SUMF1: variants seen among roughly 807,000 people sequenced by gnomAD.
SUMF1 encodes the protein formylglycine-generating enzyme.
In SUMF1, 48 loss-of-function variants were observed where a neutral mutation model predicts 47.6. The ratio of observed to expected loss-of-function variants is 1.01; its 90% CI spans 0.80 to 1.28. SUMF1 has a LOEUF of 1.28. SUMF1 is among the 50% of genes most tolerant of loss of function. The probability of loss-of-function intolerance (pLI) is 0.00; values close to 1 mark genes in which losing one functional copy is unlikely to be tolerated. For missense variants in SUMF1, 571 were observed against 485.4 expected (o/e 1.18, Z -1.66); for synonymous variants, 230 against 192.1 (o/e 1.20, Z -1.63).
rs554164797 is a variant in SUMF1 at position 4,090,069 on chromosome 3, G to A, written c.1015-21324C>T. Among the ~76,000 whole-genome samples, 22 of 152,200 alleles carry A rather than the reference G, an allele frequency of 1.4e-4. No homozygotes were observed. The South Asian group carries it at 4.1e-3, about 29-fold the overall frequency. Reference sequence around the variant, plus strand: ...GACCACATATGATTTTGTTGACCAGGTATTCCCAGCACTAGCACAGTGCCT... The same window carrying A: ...GACCACATATGATTTTGTTGACCAGATATTCCCAGCACTAGCACAGTGCCT... On this transcript the variant is annotated intron_variant and NMD_transcript_variant, in intron 8 of 12. Transcript: ENST00000448413.
chr3:4,203,864 TA>T (rs371943611), intron 8 of SUMF1, among the ~76,000 whole-genome samples: 2 of 151,852 alleles, frequency 1.3e-5, no homozygotes, highest in East Asian at 1.9e-4. Context: ...AACAGAAGAC[TA>T]AAAAAAACTC....
At chr3:4,256,524 G>A (rs1455792552) in intron 8 of SUMF1, among the ~76,000 whole-genome samples, 8 of 145,488 alleles carry the variant, frequency 5.5e-5, no homozygotes, top group Middle Eastern at 3.2e-3. Flanking sequence ...AGAAGAAATG[G>A]ATAAATTCCT....
At chr3:4,213,053 T>C (rs542334739) in intron 8 of SUMF1, among the ~76,000 whole-genome samples, 4 of 152,074 alleles carry the variant, frequency 2.6e-5, no homozygotes, top group South Asian at 4.2e-4. Flanking sequence ...ATTCAGGAAA[T>C]ACAGAGAACA....
Position 4,434,063 on chromosome 3 carries a change from G to A in SUMF1, c.520-13917C>T, listed in dbSNP as rs150435821. On this transcript the variant is annotated intron_variant, in intron 3 of 8. Transcript: ENST00000272902. ...ACAAAAGGACAAGGATTCCACTTAC[G>A]TGAGGTACTTAGAATAGGAGAATTC... is the stretch of plus-strand genomic sequence containing the variant. 7.9e-5 allele frequency among the ~76,000 whole-genome samples: 12 copies of A among 152,336 alleles called. No homozygotes were observed. The East Asian group carries it at 1.2e-3, about 15-fold the overall frequency.
rs550183541 is a variant in SUMF1, at chr3:4,457,060, A to G, written c.271-4011T>C. Among the ~76,000 whole-genome samples, 381 of 88,122 alleles carry G rather than the reference A, an allele frequency of 4.3e-3. 12 individuals are homozygous for G. The highest frequency in any genetic ancestry group is 8.4e-3 in the African/African-American group (264 of 31,572). 57.8% of individuals were successfully genotyped at this position (88,122 alleles called of 152,430 possible). On this transcript the variant is annotated intron_variant, in intron 1 of 8. Transcript: ENST00000272902. The stretch of plus-strand genomic sequence containing the variant: ...TGTGTATATATATATACGTGTGTGT[A>G]TATATATATATATACGTGTGTGTAT...
intron 8 of SUMF1, among the ~76,000 whole-genome samples, chr3:4,156,454 C>T (rs1247901363): frequency 6.6e-6 from 1 of 151,494 alleles, no homozygotes; most frequent in African/African-American, 2.4e-5. Context: ...ACTATATCTT[C>T]AATGTATAAA....
intron 9 of SUMF1, among the ~76,000 whole-genome samples, chr3:4,051,892 C>T (rs1179804906): frequency 6.6e-6 from 1 of 152,124 alleles, no homozygotes; most frequent in Admixed American, 6.6e-5. Flanking sequence ...TGAGTAAGGT[C>T]AGTACTGCAC....
intron 8 of SUMF1, among the ~76,000 whole-genome samples, chr3:4,219,241 G>A (rs113600290): frequency 6.6e-6 from 1 of 152,154 alleles, no homozygotes; most frequent in Non-Finnish European, 1.5e-5. Flanking sequence ...TATGTTATTC[G>A]ACACTTTCCA....
In SUMF1 at chr3:4,203,543, C is replaced by A. The variant is rs117948033; in HGVS notation, c.1015-134798G>T. Among the ~76,000 whole-genome samples the A allele has an allele frequency of 2.0e-4, 30 of 151,902 alleles. No homozygotes were observed. In the East Asian group the frequency reaches 5.4e-3, roughly 27 times the overall value. ...GTCCTGTTTTTTACATCCATTCAGC[C>A]CTGCAATGTCTTTTAATTGGAAAGT... On this transcript the variant is annotated intron_variant and NMD_transcript_variant, in intron 8 of 12. Coordinates refer to the SUMF1 transcript ENST00000448413.
At chr3:4,355,670 G>C (rs1461901557) in intron 8 of SUMF1, among the ~76,000 whole-genome samples, 1 of 152,224 alleles carries the variant, frequency 6.6e-6, no homozygotes, top group East Asian at 1.9e-4. Context: ...TAATATGCTA[G>C]AAAAGAGTTG....
intron 8 of SUMF1, among the ~76,000 whole-genome samples, chr3:4,375,995 T>G (rs1488660832): frequency 1.3e-5 from 2 of 152,192 alleles, no homozygotes; most frequent in Non-Finnish European, 2.9e-5. Flanking sequence ...GATTCTCAAA[T>G]AAATTAAGGG....
intron 8 of SUMF1, among the ~76,000 whole-genome samples, chr3:4,208,630 T>C (rs990984172): frequency 4.6e-5 from 7 of 151,890 alleles, no homozygotes; most frequent in Non-Finnish European, 7.4e-5. Flanking sequence ...ACGAAAATTC[T>C]AAGAAAGAAC....
intron 8 of SUMF1, among the ~76,000 whole-genome samples, chr3:4,147,565 A>G (rs1352402097): frequency 6.6e-6 from 1 of 152,188 alleles, no homozygotes; most frequent in Non-Finnish European, 1.5e-5. Flanking sequence ...TCACCTAAAA[A>G]GCTGTTTGAC....
At chr3:4,434,367 T>C (rs1026482329) in intron 3 of SUMF1, among the ~76,000 whole-genome samples, 3 of 152,380 alleles carry the variant, frequency 2.0e-5, no homozygotes, top group Admixed American at 6.5e-5. Flanking sequence ...AGAGGATTTA[T>C]TTCATAGTAA....
At chr3:4,102,648 T>C (rs1429693781) in intron 8 of SUMF1, among the ~76,000 whole-genome samples, 2 of 152,130 alleles carry the variant, frequency 1.3e-5, no homozygotes, top group African/African-American at 4.8e-5. Context: ...CTACATTGCT[T>C]AGTATTATAT....
intron 8 of SUMF1, among the ~76,000 whole-genome samples, chr3:4,135,378 G>C (rs1693900940): frequency 1.3e-5 from 2 of 152,072 alleles, no homozygotes; most frequent in African/African-American, 2.4e-5. Context: ...AAAACCACAT[G>C]ATTATCTCAA....
At chr3:4,221,936 T>C (rs1046562010) in intron 8 of SUMF1, among the ~76,000 whole-genome samples, 7 of 151,698 alleles carry the variant, frequency 4.6e-5, no homozygotes, top group Admixed American at 3.9e-4. Context: ...ACGTTTTGTA[T>C]ATCCTCTGAT....
intron 6 of SUMF1, among the ~76,000 whole-genome samples, chr3:4,416,717 C>T (rs1319771816): frequency 7.8e-6 from 1 of 127,550 alleles, no homozygotes; most frequent in Non-Finnish European, 1.7e-5. Context: ...GTAAATGAGA[C>T]AATTCATGCA....
chr3:4,329,932 G>C (rs1699017562), intron 8 of SUMF1, among the ~76,000 whole-genome samples: 1 of 151,904 alleles, frequency 6.6e-6, no homozygotes. Flanking sequence ...GTATTTCTTA[G>C]AAATTACTTC....
Sources: allele counts gnomAD v4.1 joint callset (sites outside exome capture counted in the v4.1 genomes callset), GRCh38; gene constraint gnomAD v4.1.1; transcripts MANE v1.5; gene names NCBI Gene and HGNC (gene_info 2026-07-23, HGNC 2026-07-21).